The following SUCLA2 variants were observed in gnomAD, a reference collection of about 807,000 sequenced individuals.
SUCLA2 encodes succinate-CoA ligase ADP-forming subunit beta, also known as succinate--CoA ligase [ADP-forming] subunit beta, mitochondrial.
Under a neutral mutation model 54.8 loss-of-function variants are expected in SUCLA2, and 30 were observed. The ratio of observed to expected loss-of-function variants is 0.55; its 90% CI spans 0.41 to 0.74. The LOEUF (loss-of-function observed/expected upper bound fraction) is 0.74, where lower values mean the gene tolerates loss of function less well. SUCLA2 is among the 30% of genes least tolerant of loss of function. The pLI is 0.00. For synonymous variants in SUCLA2, 172 were observed against 188.9 expected, an observed-to-expected ratio of 0.91 and a Z score of 0.74; for missense variants, 476 against 562.9, an observed-to-expected ratio of 0.85 and a Z score of 1.56.
intron 4 of SUCLA2, among the ~76,000 whole-genome samples, chr13:47,982,958 C>A (rs1404121865): frequency 6.6e-6 from 1 of 152,018 alleles, no homozygotes; most frequent in Admixed American, 6.6e-5. Flanking sequence ...GGAATTAACC[C>A]TCAAATTTGT....
At chr13:47,966,775 G>A (rs1299355061) in intron 6 of SUCLA2, among the ~76,000 whole-genome samples, 1 of 151,208 alleles carries the variant, frequency 6.6e-6, no homozygotes, top group Non-Finnish European at 1.5e-5. Context: ...CAGCACTTCA[G>A]GAGCTGAGGT....
At chr13:47,992,356 T>C (rs1256552019) in intron 2 of SUCLA2, among the ~76,000 whole-genome samples, 1 of 79,150 alleles carries the variant, frequency 1.3e-5, no homozygotes. Context: ...CGAAAGTTCC[T>C]TCTAAAAAAA....
intron 6 of SUCLA2, among the ~76,000 whole-genome samples, chr13:47,960,483 A>T (rs1949861147): frequency 6.6e-6 from 1 of 152,212 alleles, no homozygotes. Flanking sequence ...ATTTGGAAAA[A>T]GTAGGGGAGA....
chr13:47,968,048 A>G (rs776930211), intron 6 of SUCLA2, among the ~76,000 whole-genome samples: 3 of 152,216 alleles, frequency 2.0e-5, no homozygotes, highest in Admixed American at 6.5e-5. Flanking sequence ...TTAAGTGAAT[A>G]AAGAAAGATG....
intron 10 of SUCLA2, chr13:47,945,643 G>GACACACACACACACACACACAC (rs773399228): frequency 9.9e-5 from 11 of 111,484 alleles, no homozygotes; most frequent in African/African-American, 3.2e-4. Flanking sequence ...GGAAAAGGGA[G>GACACACACACACACACACACAC]ACACACACAC....
intron 4 of SUCLA2, among the ~76,000 whole-genome samples, chr13:47,975,170 T>TTTTC (rs1950001296): frequency 1.3e-5 from 2 of 150,486 alleles, no homozygotes; most frequent in Non-Finnish European, 3.0e-5. Flanking sequence ...CTTTTCTTTT[T>TTTTC]TTTTTTTTTA....
chr13:47,994,072 A>AG (rs397735501), intron 2 of SUCLA2, among the ~76,000 whole-genome samples: 1 of 151,508 alleles, frequency 6.6e-6, no homozygotes, highest in African/African-American at 2.4e-5. Flanking sequence ...AAAAAAAAAA[A>AG]GAGTTTTTAT....
chr13:47,943,757 T>TAC (rs1476704240), intron 10 of SUCLA2, among the ~76,000 whole-genome samples: 1 of 115,030 alleles, frequency 8.7e-6, no homozygotes, highest in East Asian at 4.8e-4. Flanking sequence ...TGTGTGTGTG[T>TAC]GTGTGTGTGT....
At chr13:47,969,890 C>G (rs1217873724) in intron 5 of SUCLA2, among the ~76,000 whole-genome samples, 1 of 151,970 alleles carries the variant, frequency 6.6e-6, no homozygotes, top group African/African-American at 2.4e-5. Context: ...TCACTTGAAG[C>G]CAGGAGTTTG....
rs1950225425 is a variant in SUCLA2 at position 48,000,939 on chromosome 13, G to A, written c.90+241C>T. ...CGCCCATCTCTTAGAAACTGCAGGA[G>A]CAGCCACGGCCGGGCCGCCGGGGAT... On this transcript the variant is annotated intron_variant, in intron 1 of 10. Coordinates refer to ENST00000646932, the MANE Select transcript of SUCLA2 (RefSeq NM_003850.3). 10 of 1,392,672 alleles carry A rather than the reference G, an allele frequency of 7.2e-6. No individual in the cohort carries two copies. The East Asian group carries it at 8.2e-5, about 11-fold the overall frequency. 86.3% of individuals were successfully genotyped at this position (1,392,672 alleles called of 1,614,324 possible). A position where few individuals can be genotyped will look rare whatever the true frequency, so the allele number is the denominator to read the frequency against.
intron 2 of SUCLA2, 33 bp from the exon 3 acceptor site, chr13:47,989,014 C>G: frequency 6.4e-7 from 1 of 1,568,600 alleles, no homozygotes; most frequent in Non-Finnish European, 8.8e-7. Context: ...AAATATGAAG[C>G]ATGGAGCAGC....
At chr13:47,962,136 G>GT (rs1304434636) in intron 6 of SUCLA2, among the ~76,000 whole-genome samples, 1 of 151,922 alleles carries the variant, frequency 6.6e-6, no homozygotes, top group Non-Finnish European at 1.5e-5. Flanking sequence ...TCTTTTGTTT[G>GT]TTTTTTGTTT....
chr13:47,947,193 A>T (rs1186177747), intron 10 of SUCLA2, among the ~76,000 whole-genome samples: 1 of 152,156 alleles, frequency 6.6e-6, no homozygotes, highest in Non-Finnish European at 1.5e-5. Context: ...ACTGAACTAC[A>T]TCAATGTTTT....
At chr13:47,988,190 G>A in intron 4 of SUCLA2, 1 of 287,856 alleles carries the variant, frequency 3.5e-6, no homozygotes, top group Non-Finnish European at 6.3e-6. Flanking sequence ...AGTGGGTTCA[G>A]CAACTTTCTC....
In SUCLA2 at chr13:47,996,985, G is replaced by T. The variant is rs1322356789; in HGVS notation, c.129C>A (p.Leu43=). The change falls in exon 2 of 11, where the codon CTC becomes CTA. Residue 43 remains leucine, a synonymous_variant. Transcript: ENST00000646932. ...TCCTTTGCTGTTGCTGCTGTACTTG[G>T]AGTCCATGGTTATTAAACAATCCAG... ...GSSGLFNNHG[L]QVQQQQQRNL... is the part of the protein sequence containing the mutation. 1 of 1,613,984 alleles carries T rather than the reference G, an allele frequency of 6.2e-7. No homozygotes were observed. The highest frequency in any genetic ancestry group is 8.5e-7 in the Non-Finnish European group (1 of 1,179,990).
intron 1 of SUCLA2, 163 bp downstream of exon 1, chr13:48,001,017 G>C: frequency 6.8e-7 from 1 of 1,473,382 alleles, no homozygotes; most frequent in South Asian, 1.3e-5. Flanking sequence ...CTCGCTCGTA[G>C]TCCTGGCGAG....
intron 5 of SUCLA2, among the ~76,000 whole-genome samples, chr13:47,970,983 T>C (rs9526425): frequency 0.94 from 142,460 of 152,250 alleles, 66,676 homozygotes; most frequent in East Asian, 1. Flanking sequence ...TTGCAGTGAG[T>C]CAGGATCGCG....
chr13:47,965,400 A>G (rs1157169455), intron 6 of SUCLA2, among the ~76,000 whole-genome samples: 1 of 151,664 alleles, frequency 6.6e-6, no homozygotes, highest in Non-Finnish European at 1.5e-5. Context: ...ACCTCCTGAC[A>G]TTGTGCACTA....
At chr13:47,999,920 G>A (rs1011530091) in intron 1 of SUCLA2, among the ~76,000 whole-genome samples, 4 of 152,030 alleles carry the variant, frequency 2.6e-5, no homozygotes, top group African/African-American at 9.7e-5. Context: ...TCCATAAGGA[G>A]AAATGAAGGC....
Sources: gnomAD v4.1 joint callset for allele counts (sites outside exome capture counted in the v4.1 genomes callset) on GRCh38, gnomAD v4.1.1 for gene constraint, MANE v1.5 for transcripts, NCBI Gene and HGNC (gene_info 2026-07-23, HGNC 2026-07-21) for gene names.